Variants in RABGAP1L observed in about 807,000 individuals in gnomAD.
RABGAP1L encodes rab GTPase-activating protein 1-like.
RABGAP1L carries 63 observed loss-of-function variants against 137.7 expected under a neutral mutation model. The ratio of observed to expected loss-of-function variants is 0.46; its 90% CI spans 0.37 to 0.56. The LOEUF is 0.56. Among genes scored for constraint, RABGAP1L ranks in the 20% least tolerant of loss-of-function variants. The pLI is 0.00. For missense variants in RABGAP1L, 1,095 were observed against 1,244.0 expected, an observed-to-expected ratio of 0.88 and a Z score of 1.80; for synonymous variants, 431 against 433.7, an observed-to-expected ratio of 0.99 and a Z score of 0.08.
At chr1:174,654,784 A>G (rs11806996) in intron 14 of RABGAP1L, among the ~76,000 whole-genome samples, 32,096 of 152,086 alleles carry the variant, frequency 0.21, 3,714 homozygotes, top group Admixed American at 0.25. Flanking sequence ...GCTATGTTAG[A>G]TAAGAAAATT....
chr1:174,504,804 G>T (rs541057707), intron 13 of RABGAP1L, among the ~76,000 whole-genome samples: 1 of 152,066 alleles, frequency 6.6e-6, no homozygotes, highest in Admixed American at 6.6e-5. Context: ...CCATGACATT[G>T]GTCTGGGCAA....
chr1:174,596,006 G>A (rs1012818592), intron 13 of RABGAP1L, among the ~76,000 whole-genome samples: 3 of 104,010 alleles, frequency 2.9e-5, no homozygotes, highest in Admixed American at 1.8e-4. Context: ...CAATCAGCGA[G>A]ATTCCGTGGG....
chr1:174,534,775 C>CAAAAAA (rs71117567), intron 13 of RABGAP1L, among the ~76,000 whole-genome samples: 30 of 71,622 alleles, frequency 4.2e-4, no homozygotes, highest in Admixed American at 1.1e-3. Context: ...ACTCTGTCTC[C>CAAAAAA]AAAAAAAAAA....
chr1:174,768,775 A>T (rs1027703325), intron 18 of RABGAP1L, among the ~76,000 whole-genome samples: 4 of 152,134 alleles, frequency 2.6e-5, no homozygotes, highest in African/African-American at 4.8e-5. Context: ...GTTTTTAATA[A>T]ATTCTCACTC....
chr1:174,218,057 G>A lies in RABGAP1L; in HGVS notation c.-33-1068G>A, dbSNP rs372172099. ...CGTGTTCTTTAGCCCTAGCCTGCTT[G>A]TCCTGCCCCTCTATCACATTACTCA... On this transcript the variant is annotated intron_variant, in intron 1 of 25. Coordinates refer to ENST00000681986, the MANE Select transcript of RABGAP1L (RefSeq NM_001366446.1). 7.9e-5 allele frequency among the ~76,000 whole-genome samples: 12 copies of A among 152,214 alleles called. 1 individual carries two copies. The East Asian group carries it at 2.3e-3, about 29-fold the overall frequency.
At chr1:174,888,940 CAATT>C (rs1429704005) in intron 19 of RABGAP1L, among the ~76,000 whole-genome samples, 4 of 152,022 alleles carry the variant, frequency 2.6e-5, no homozygotes, top group African/African-American at 9.7e-5. Context: ...ATGTTTGTGA[CAATT>C]AAATACATTC....
At chr1:174,262,517 A>G (rs1305907946) in intron 7 of RABGAP1L, among the ~76,000 whole-genome samples, 2 of 152,320 alleles carry the variant, frequency 1.3e-5, no homozygotes, top group South Asian at 4.1e-4. Flanking sequence ...GAGATGCTCT[A>G]TGTGTGCTTC....
intron 11 of RABGAP1L, among the ~76,000 whole-genome samples, chr1:174,351,985 T>A (rs1260867313): frequency 6.6e-6 from 1 of 152,038 alleles, no homozygotes; most frequent in South Asian, 2.1e-4. Flanking sequence ...TGCTTTTGTA[T>A]TTTTAGTAGA....
chr1:174,650,264 G>A (rs540959909), intron 14 of RABGAP1L, among the ~76,000 whole-genome samples: 25 of 152,192 alleles, frequency 1.6e-4, no homozygotes, highest in Middle Eastern at 3.4e-3. Flanking sequence ...TTTTGCATCA[G>A]TGTTCACCAA....
chr1:174,392,644 TGA>T (rs1327830382), intron 12 of RABGAP1L, among the ~76,000 whole-genome samples: 2 of 152,186 alleles, frequency 1.3e-5, no homozygotes, highest in Non-Finnish European at 2.9e-5. Flanking sequence ...AGTTTTTTTC[TGA>T]GATAGCCCAA....
chr1:174,766,492 A>G (rs1334105276), intron 18 of RABGAP1L, among the ~76,000 whole-genome samples: 1 of 152,174 alleles, frequency 6.6e-6, no homozygotes, highest in Non-Finnish European at 1.5e-5. Flanking sequence ...TGATTACTCT[A>G]GCTTTGTAAT....
rs1205290041 is a variant in RABGAP1L at position 174,991,754 on chromosome 1, A to G, written c.*1753A>G. 2 of 148,986 alleles carry G rather than the reference A, an allele frequency of 1.3e-5. No individual in the cohort carries two copies. Among genetic ancestry groups the G allele is most frequent in the African/African-American group, 5.0e-5 (2 of 40,138 alleles). The allele number at this position is 148,986 out of a possible 1,614,324, so 9.2% of individuals were successfully genotyped here. On this transcript the variant is annotated 3_prime_UTR_variant, in exon 26 of 26. Coordinates refer to ENST00000681986, the MANE Select transcript of RABGAP1L (RefSeq NM_001366446.1). ...CTGTGTTGGCTTTAACATTCTCTAC[A>G]TGGTGGTCTAGATAAGCTAATTTTT...
chr1:174,183,867 CT>C (rs772022782), intron 1 of RABGAP1L, among the ~76,000 whole-genome samples: 150 of 130,474 alleles, frequency 1.1e-3, no homozygotes, highest in Non-Finnish European at 1.2e-3. Context: ...TTCAGATTGG[CT>C]TTTTTTTTTT....
chr1:174,848,431 A>C (rs1429922480), intron 19 of RABGAP1L, among the ~76,000 whole-genome samples: 1 of 143,834 alleles, frequency 7.0e-6, no homozygotes, highest in Admixed American at 6.9e-5. Context: ...TCTGTTTGTT[A>C]GTTTTCCTTC....
chr1:174,968,551 TG>T (rs1296614754), intron 20 of RABGAP1L, among the ~76,000 whole-genome samples: 5 of 152,216 alleles, frequency 3.3e-5, no homozygotes, highest in Non-Finnish European at 7.4e-5. Flanking sequence ...TTTTTTTGTT[TG>T]TTTTTTTATC....
intron 11 of RABGAP1L, among the ~76,000 whole-genome samples, chr1:174,313,141 A>G (rs1679022062): frequency 2.0e-5 from 3 of 152,040 alleles, no homozygotes. Flanking sequence ...GCTAGGCAGG[A>G]TGGTCTTGAT....
intron 12 of RABGAP1L, among the ~76,000 whole-genome samples, chr1:174,373,960 A>G (rs775928346): frequency 1.4e-4 from 21 of 152,164 alleles, no homozygotes; most frequent in Admixed American, 2.0e-4. Context: ...ATCTGGTCCA[A>G]TTGAATTAGG....
At chr1:174,213,020 C>G (rs916735430) in intron 1 of RABGAP1L, among the ~76,000 whole-genome samples, 1 of 152,182 alleles carries the variant, frequency 6.6e-6, no homozygotes, top group African/African-American at 2.4e-5. Context: ...AGACCAATAA[C>G]AAGTAATGAG....
At position 174,399,804 on chromosome 1, in the gene RABGAP1L, C is replaced by G. The variant is rs375308365; in HGVS notation, c.1710+5659C>G. On this transcript the variant is annotated intron_variant, in intron 13 of 25. Transcript: ENST00000681986. ...AGATGCTTATAAAACCATCAGATCT[C>G]GTGGGAACTCATTATCACGAGAACA... Among the ~76,000 whole-genome samples the G allele has an allele frequency of 1.3e-4, 20 of 152,164 alleles. No individual in the cohort carries two copies. In the East Asian group the frequency reaches 2.7e-3, roughly 21 times the overall value.
Sources: allele counts gnomAD v4.1 joint callset (sites outside exome capture counted in the v4.1 genomes callset), GRCh38; gene constraint gnomAD v4.1.1; transcripts MANE v1.5; gene names NCBI Gene and HGNC (gene_info 2026-07-23, HGNC 2026-07-21).